Variants in ICE2 observed in about 807,000 individuals in gnomAD.
ICE2 encodes the protein little elongation complex subunit 2.
ICE2 carries 87 observed loss-of-function variants against 105.4 expected under a neutral mutation model. The ratio of observed to expected loss-of-function variants is 0.83; its 90% CI spans 0.69 to 0.99. The LOEUF (loss-of-function observed/expected upper bound fraction) is 0.99, where lower values mean the gene tolerates loss of function less well. Among genes scored for constraint, ICE2 ranks in the 50% least tolerant of loss-of-function variants. ICE2 has a pLI of 0.00. For synonymous variants in ICE2, 399 were observed against 392.0 expected, an observed-to-expected ratio of 1.02 and a Z score of -0.21; for missense variants, 1,323 against 1,146.7, an observed-to-expected ratio of 1.15 and a Z score of -2.22.
chr15:60,463,442 G>C (rs921456343), intron 5 of ICE2, among the ~76,000 whole-genome samples: 12 of 152,120 alleles, frequency 7.9e-5, no homozygotes, highest in African/African-American at 2.9e-4. Context: ...ATGAAAGAAG[G>C]AAGGCCCAAA....
rs1555412923 is a variant in ICE2, at chr15:60,456,611, T to TA, written c.666+45dup. 4 of 1,030,352 alleles carry TA rather than the reference T, an allele frequency of 3.9e-6. No individual in the cohort carries two copies. In the East Asian group the frequency reaches 1.6e-4, roughly 40 times the overall value. The allele number at this position is 1,030,352 out of a possible 1,614,324, so 63.8% of individuals were successfully genotyped here. ...CACACACACACACACACACACACACTATTTCAGACAAAAAAAAGCTTATAT... is the reference window on the plus strand; with the variant it reads ...CACACACACACACACACACACACACTAATTTCAGACAAAAAAAAGCTTATAT... On this transcript the variant is annotated intron_variant, in intron 6 of 15. Coordinates refer to ENST00000261520, the MANE Select transcript of ICE2 (RefSeq NM_024611.6).
At chr15:60,460,722 T>C (rs1215370842) in intron 5 of ICE2, among the ~76,000 whole-genome samples, 2 of 152,084 alleles carry the variant, frequency 1.3e-5, no homozygotes, top group East Asian at 1.9e-4. Flanking sequence ...TACCAAGCTC[T>C]AGACATTGCC....
intron 5 of ICE2, among the ~76,000 whole-genome samples, chr15:60,460,980 G>A (rs960519408): frequency 6.6e-6 from 1 of 151,926 alleles, no homozygotes; most frequent in East Asian, 1.9e-4. Context: ...TGTTGCGGGG[G>A]ACATCACTCA....
Position 60,452,977 on chromosome 15 carries a change from T to C in ICE2, c.1125+626A>G, listed in dbSNP as rs2064001056. The C allele has an allele frequency of 3.0e-6, 3 of 984,106 alleles. No homozygotes were observed. The African/African-American group carries it at 5.2e-5, about 17-fold the overall frequency. 61.0% of individuals were successfully genotyped at this position (984,106 alleles called of 1,614,324 possible). A position where few individuals can be genotyped will look rare whatever the true frequency, so the allele number is the denominator to read the frequency against. On this transcript the variant is annotated intron_variant, in intron 9 of 15. Transcript: ENST00000261520. ...CAGGTGCAGTGGCTGACGCCTGTAA[T>C]CCCAGCACTTTGGGTGGCTGAGATG...
intron 6 of ICE2, among the ~76,000 whole-genome samples, chr15:60,456,307 C>T (rs1566994539): frequency 6.6e-6 from 1 of 150,564 alleles, no homozygotes; most frequent in Admixed American, 6.7e-5. Context: ...CTTTGGGAGG[C>T]TAAGGCAGGT....
chr15:60,476,008 C>G, intron 3 of ICE2, 55 bp downstream of exon 3: 1 of 1,189,496 alleles, frequency 8.4e-7, no homozygotes, highest in Non-Finnish European at 1.2e-6. Context: ...AAAACTTCAA[C>G]TATCAGAAAA....
At chr15:60,472,122 T>A (rs557951131) in intron 3 of ICE2, among the ~76,000 whole-genome samples, 1 of 152,230 alleles carries the variant, frequency 6.6e-6, no homozygotes, top group South Asian at 2.1e-4. Context: ...TTTAATATCC[T>A]CTTTTATTTT....
chr15:60,449,549 C>T lies in ICE2; in HGVS notation c.1418G>A (p.Gly473Asp). The T allele has an allele frequency of 6.2e-7, 1 of 1,614,116 alleles. No homozygotes were observed. The highest frequency in any genetic ancestry group is 8.5e-7 in the Non-Finnish European group (1 of 1,179,986). The change falls in exon 10 of 16, where the codon GGT becomes GAT. Residue 473 changes from glycine (G) to aspartate (D), a missense_variant. By Grantham distance (94) the Gly-to-Asp change is moderately conservative. Coordinates refer to ENST00000261520, the MANE Select transcript of ICE2 (RefSeq NM_024611.6). ...QLQKEKQLVTGMDGGPEECKN... is the reference protein window; with the variant it reads ...QLQKEKQLVTDMDGGPEECKN... ...GCATTCCTCAGGGCCACCATCCATA[C>T]CAGTGACCAGCTGTTTCTCCTTTTG...
At position 60,422,631 on chromosome 15, in the gene ICE2, T is replaced by C. The variant is rs1409082832; in HGVS notation, c.*1003A>G. 2.4e-4 allele frequency: 36 copies of C among 152,052 alleles called. 1 individual carries two copies. Among genetic ancestry groups the C allele is most frequent in the Admixed American group, 2.4e-3 (36 of 15,244 alleles). The allele number at this position is 152,052 out of a possible 1,614,324, so 9.4% of individuals were successfully genotyped here. Reference sequence around the variant, plus strand: ...GCAGGCGGATCACAAGGTCAGGAGTTTGAGACCAGCCCGGCCAACATGGTA... The same window carrying C: ...GCAGGCGGATCACAAGGTCAGGAGTCTGAGACCAGCCCGGCCAACATGGTA... On this transcript the variant is annotated 3_prime_UTR_variant, in exon 16 of 16. Transcript: ENST00000261520.
In ICE2 at chr15:60,440,370, C is replaced by A. The variant is rs1052929333; in HGVS notation, c.2425+2046G>T. The A allele has an allele frequency of 2.0e-5, 3 of 152,060 alleles. No homozygotes were observed. The East Asian group carries it at 5.8e-4, about 29-fold the overall frequency. The allele number at this position is 152,060 out of a possible 1,614,324, so 9.4% of individuals were successfully genotyped here. A position where few individuals can be genotyped will look rare whatever the true frequency, so the allele number is the denominator to read the frequency against. On this transcript the variant is annotated intron_variant, in intron 12 of 15. Coordinates refer to ENST00000261520, the MANE Select transcript of ICE2 (RefSeq NM_024611.6). ...ATATTATAGGGTTGGAGGGTGAATA[C>A]GGAAGTTGCAATGAGACTATGTGGG...
intron 3 of ICE2, among the ~76,000 whole-genome samples, chr15:60,470,543 C>A (rs986335628): frequency 6.6e-6 from 1 of 152,164 alleles, no homozygotes; most frequent in African/African-American, 2.4e-5. Context: ...CCCCTTCAGG[C>A]TTTCTCTTAC....
rs2140977236 is a variant in ICE2 at position 60,422,012 on chromosome 15, A to G, written c.*1622T>C. 6.6e-6 allele frequency: 1 copy of G among 152,104 alleles called. No homozygotes were observed. The highest frequency in any genetic ancestry group is 1.5e-5 in the Non-Finnish European group (1 of 67,974). The allele number at this position is 152,104 out of a possible 1,614,324, so 9.4% of individuals were successfully genotyped here. A position where few individuals can be genotyped will look rare whatever the true frequency, so the allele number is the denominator to read the frequency against. On this transcript the variant is annotated 3_prime_UTR_variant, in exon 16 of 16. Transcript: ENST00000261520. ...AAAAGAATAGCTATTCTTTACACAG[A>G]ATAGCTAAAAAATTTCAATGTGAAG...
chr15:60,472,997 G>A (rs137944972), intron 3 of ICE2, among the ~76,000 whole-genome samples: 135 of 152,114 alleles, frequency 8.9e-4, no homozygotes, highest in African/African-American at 2.9e-3. Context: ...GTCCAGAAGT[G>A]CAGTGGTGTG....
chr15:60,446,229 C>T (rs1211257826), intron 11 of ICE2, among the ~76,000 whole-genome samples: 1 of 152,132 alleles, frequency 6.6e-6, no homozygotes, highest in Non-Finnish European at 1.5e-5. Flanking sequence ...TTATAATCTT[C>T]GTTCTATTTA....
intron 5 of ICE2, among the ~76,000 whole-genome samples, chr15:60,464,489 C>G (rs1467831227): frequency 1.3e-5 from 2 of 152,150 alleles, no homozygotes; most frequent in African/African-American, 2.4e-5. Flanking sequence ...TAGGTGACAT[C>G]TGAACAGACA....
intron 12 of ICE2, chr15:60,438,320 T>C (rs1330626633): frequency 6.6e-6 from 1 of 152,236 alleles, no homozygotes; most frequent in Non-Finnish European, 1.5e-5. Flanking sequence ...TGTCAATCAC[T>C]GGGACAATTA....
rs370751907 is a variant in ICE2 at position 60,455,406 on chromosome 15, T to C, written c.703A>G (p.Met235Val). 9.9e-5 allele frequency: 159 copies of C among 1,613,830 alleles called. No individual in the cohort carries two copies. The highest frequency in any genetic ancestry group is 1.3e-4 in the Non-Finnish European group (148 of 1,179,796). Residue 235 changes from methionine to valine, a missense_variant, in exon 7 of 16, where the codon ATG becomes GTG. Met to Val is a conservative substitution (Grantham distance 21). Transcript: ENST00000261520. ...VKYVKTVFPS[M>V]PIKLQLSKDD... Reference sequence around the variant, plus strand: ...TTTGACAGCTGCAACTTTATAGGCATTGAGGGAAATACTGTTTTCACATAT... The same window carrying C: ...TTTGACAGCTGCAACTTTATAGGCACTGAGGGAAATACTGTTTTCACATAT...
chr15:60,446,257 T>A (rs947387213), intron 11 of ICE2, among the ~76,000 whole-genome samples: 4 of 152,192 alleles, frequency 2.6e-5, no homozygotes, highest in Admixed American at 2.6e-4. Context: ...ATAAAAACAT[T>A]ATCAAGCACA....
intron 3 of ICE2, among the ~76,000 whole-genome samples, chr15:60,473,826 T>G (rs1245176384): frequency 1.3e-5 from 2 of 152,238 alleles, no homozygotes; most frequent in African/African-American, 4.8e-5. Context: ...ATATCTGACA[T>G]TAGCACAGAC....
Sources: allele counts gnomAD v4.1 joint callset (sites outside exome capture counted in the v4.1 genomes callset), GRCh38; gene constraint gnomAD v4.1.1; transcripts MANE v1.5; gene names NCBI Gene and HGNC (gene_info 2026-07-23, HGNC 2026-07-21).